The following C1orf50 variants were observed in gnomAD, a reference collection of about 807,000 sequenced individuals.
C1orf50 encodes the protein chromosome 1 open reading frame 50.
A neutral mutation model predicts 23.3 loss-of-function variants in C1orf50; 22 were observed. The observed-to-expected ratio is 0.94, with a 90% CI of 0.67 to 1.35. C1orf50 has a LOEUF of 1.35. C1orf50 is among the 40% of genes most tolerant of loss of function. The probability of loss-of-function intolerance (pLI) is 0.00; values close to 1 mark genes in which losing one functional copy is unlikely to be tolerated. For missense variants in C1orf50, 271 were observed against 249.4 expected (o/e 1.09, Z -0.58); for synonymous variants, 96 against 102.4 (o/e 0.94, Z 0.38).
In C1orf50 at chr1:42,774,884, G is replaced by A. The variant is rs777799461; in HGVS notation, c.414+16G>A. On this transcript the variant is annotated intron_variant, in intron 4 of 4. Coordinates refer to ENST00000372525, the MANE Select transcript of C1orf50 (RefSeq NM_024097.4). ...TTCTCCAAAGGTAAGAACATACATTGTTTGCCCAAAAATCTACTCCAGCCT... is the reference window on the plus strand; with the variant it reads ...TTCTCCAAAGGTAAGAACATACATTATTTGCCCAAAAATCTACTCCAGCCT... 2 of 1,596,456 alleles carry A rather than the reference G, an allele frequency of 1.3e-6. No individual in the cohort carries two copies. Among genetic ancestry groups the A allele is most frequent in the South Asian group, 1.1e-5 (1 of 90,612 alleles).
intron 2 of C1orf50, 76 bp downstream of exon 2, chr1:42,767,700 A>G (rs2124181170): frequency 7.6e-7 from 1 of 1,309,580 alleles, no homozygotes; most frequent in Admixed American, 2.1e-5. Context: ...CTCAGACCTC[A>G]CTACCACCTA....
In C1orf50 at chr1:42,778,800, A is replaced by G. The variant is rs1653387952; in HGVS notation, c.*3406A>G. ...TAAACAGGAGAATATGGACTGGGGA[A>G]TATGAGAGAAGAACTAATGGAAGGA... On this transcript the variant is annotated 3_prime_UTR_variant, in exon 5 of 5. Coordinates refer to ENST00000372525, the MANE Select transcript of C1orf50 (RefSeq NM_024097.4). 1 of 152,274 alleles carries G rather than the reference A, an allele frequency of 6.6e-6. No individual in the cohort carries two copies. Among genetic ancestry groups the G allele is most frequent in the South Asian group, 2.1e-4 (1 of 4,828 alleles). The allele number at this position is 152,274 out of a possible 1,614,324, so 9.4% of individuals were successfully genotyped here.
At chr1:42,774,042 T>C (rs1307920304) in intron 3 of C1orf50, among the ~76,000 whole-genome samples, 2 of 152,054 alleles carry the variant, frequency 1.3e-5, no homozygotes, top group African/African-American at 4.8e-5. Flanking sequence ...AGGCCTGTCT[T>C]GAACTCCTGA....
intron 3 of C1orf50, 46 bp from the exon 4 acceptor site, chr1:42,774,691 C>T (rs1325989648): frequency 6.4e-7 from 1 of 1,559,494 alleles, no homozygotes; most frequent in Non-Finnish European, 8.7e-7. Flanking sequence ...AATGTGGGTG[C>T]CTGTTATCTC....
At position 42,773,641 on chromosome 1, in the gene C1orf50, G is replaced by A; in HGVS notation, c.274G>A (p.Ala92Thr). Residue 92 changes from alanine (A) to threonine (T), a missense_variant, in exon 3 of 5, where the codon GCC becomes ACC. Ala to Thr is a moderately conservative substitution (Grantham distance 58). Coordinates refer to ENST00000372525, the MANE Select transcript of C1orf50 (RefSeq NM_024097.4). ...GCAAATCCAACATTTGCAAGAACAA[G>A]CCAGGAAGGTAAGGAATGACTGTTA... ...AEQIQHLQEQARKVLEDAHRD... is the reference protein window; with the variant it reads ...AEQIQHLQEQTRKVLEDAHRD... 6.2e-7 allele frequency: 1 copy of A among 1,609,356 alleles called. No individual in the cohort carries two copies. The highest frequency in any genetic ancestry group is 2.2e-5 in the East Asian group (1 of 44,830).
intron 2 of C1orf50, among the ~76,000 whole-genome samples, chr1:42,772,861 T>C (rs564071434): frequency 6.6e-6 from 1 of 152,354 alleles, no homozygotes; most frequent in South Asian, 2.1e-4. Flanking sequence ...ATAACTCTGT[T>C]TCAGGTCCAC....
Position 42,775,776 on chromosome 1 carries a change from A to ATATATATATG in C1orf50, c.*391_*392insGTATATATAT, listed in dbSNP as rs1653326786. 6.8e-6 allele frequency: 1 copy of ATATATATATG among 146,972 alleles called. No individual in the cohort carries two copies. The highest frequency in any genetic ancestry group is 2.5e-5 in the African/African-American group (1 of 40,050). The allele number at this position is 146,972 out of a possible 1,614,324, so 9.1% of individuals were successfully genotyped here. A position where few individuals can be genotyped will look rare whatever the true frequency, so the allele number is the denominator to read the frequency against. On this transcript the variant is annotated 3_prime_UTR_variant, in exon 5 of 5. Coordinates refer to ENST00000372525, the MANE Select transcript of C1orf50 (RefSeq NM_024097.4). ...TTTTCAGTCTTTTATATATATATAT[A>ATATATATATG]TATATATATAACTGGTAGTATTTAA...
In C1orf50 at chr1:42,776,022, A is replaced by G. The variant is rs1461696052; in HGVS notation, c.*628A>G. On this transcript the variant is annotated 3_prime_UTR_variant, in exon 5 of 5. Coordinates refer to ENST00000372525, the MANE Select transcript of C1orf50 (RefSeq NM_024097.4). ...GCTCTCTCTGCCTTGCTAGAGTGACAGAATCTGAGGCAGCAAAGGCCAGGT... is the reference window on the plus strand; with the variant it reads ...GCTCTCTCTGCCTTGCTAGAGTGACGGAATCTGAGGCAGCAAAGGCCAGGT... 6.6e-6 allele frequency: 1 copy of G among 152,066 alleles called. No individual in the cohort carries two copies. Among genetic ancestry groups the G allele is most frequent in the African/African-American group, 2.4e-5 (1 of 41,400 alleles). The allele number at this position is 152,066 out of a possible 1,614,324, so 9.4% of individuals were successfully genotyped here. A position where few individuals can be genotyped will look rare whatever the true frequency, so the allele number is the denominator to read the frequency against.
chr1:42,773,329 G>A, intron 2 of C1orf50: 3 of 355,766 alleles, frequency 8.4e-6, no homozygotes, highest in Non-Finnish European at 1.6e-5. Flanking sequence ...AAAGCTATGG[G>A]AAATAGAAGA....
Position 42,767,304 on chromosome 1 carries a change from G to C in C1orf50, c.-8G>C. ...CAGCCCAGGGAGTGGGGAGGATAAG[G>C]CGCTGTCATGGAGGACGCCGCCGCG... is the stretch of plus-strand genomic sequence containing the variant. On this transcript the variant is annotated 5_prime_UTR_variant, in exon 1 of 5. Coordinates refer to ENST00000372525, the MANE Select transcript of C1orf50 (RefSeq NM_024097.4). 1.3e-6 allele frequency: 2 copies of C among 1,501,040 alleles called. No homozygotes were observed. The highest frequency in any genetic ancestry group is 1.8e-6 in the Non-Finnish European group (2 of 1,130,774). 93.0% of individuals were successfully genotyped at this position (1,501,040 alleles called of 1,614,324 possible).
intron 2 of C1orf50, among the ~76,000 whole-genome samples, chr1:42,769,203 G>A (rs553515356): frequency 3.7e-4 from 56 of 150,942 alleles, no homozygotes; most frequent in Admixed American, 2.3e-3. Flanking sequence ...AGCCGAGATC[G>A]CACCACTGTA....
Position 42,774,861 on chromosome 1 carries a change from C to T in C1orf50, c.407C>T (p.Ser136Phe). The T allele has an allele frequency of 7.4e-6, 12 of 1,611,346 alleles. No homozygotes were observed. Among genetic ancestry groups the T allele is most frequent in the Non-Finnish European group, 1.0e-5 (12 of 1,179,330 alleles). Residue 136 changes from serine (S) to phenylalanine (F), a missense_variant, in exon 4 of 5, where the codon TCT (serine) becomes TTT (phenylalanine). Physicochemically the swap from Ser to Phe is radical, Grantham distance 155. Transcript: ENST00000372525. ...ESGQQYFSII[S>F]PKEWGTSCPH... The stretch of plus-strand genomic sequence containing the variant: ...GGTCAGCAGTATTTTTCCATCATTT[C>T]TCCAAAGGTAAGAACATACATTGTT...
rs932415956 is a variant in C1orf50 at position 42,774,779 on chromosome 1, G to A, written c.325G>A (p.Ala109Thr). ...AHRDANLHHV[A>T]CNIVKKPGNI... ...CAGAGATGCCAACCTGCACCATGTA[G>A]CTTGTAATATAGTGAAAAAACCTGG... is the stretch of plus-strand genomic sequence containing the variant. The change falls in exon 4 of 5, where the codon GCT becomes ACT. Residue 109 changes from alanine (A) to threonine (T), a missense_variant. Transcript: ENST00000372525. 6.2e-7 allele frequency: 1 copy of A among 1,613,760 alleles called. No individual in the cohort carries two copies. Among genetic ancestry groups the A allele is most frequent in the East Asian group, 2.2e-5 (1 of 44,870 alleles).
At chr1:42,772,351 T>G (rs1388291018) in intron 2 of C1orf50, among the ~76,000 whole-genome samples, 1 of 152,246 alleles carries the variant, frequency 6.6e-6, no homozygotes, top group African/African-American at 2.4e-5. Flanking sequence ...TTCTTTACCT[T>G]AATTGTGTAT....
Position 42,775,448 on chromosome 1 carries a change from GC to G in C1orf50, c.*59del, listed in dbSNP as rs1160280635. The G allele has an allele frequency of 2.0e-6, 3 of 1,479,104 alleles. No individual in the cohort carries two copies. The highest frequency in any genetic ancestry group is 2.8e-6 in the Non-Finnish European group (3 of 1,088,198). The allele number at this position is 1,479,104 out of a possible 1,614,324, so 91.6% of individuals were successfully genotyped here. A position where few individuals can be genotyped will look rare whatever the true frequency, so the allele number is the denominator to read the frequency against. On this transcript the variant is annotated 3_prime_UTR_variant, in exon 5 of 5. Transcript: ENST00000372525. The stretch of plus-strand genomic sequence containing the variant: ...GGACCTGGCTGTCAACCTCCTTGTT[GC>G]CCCCACTGTTGCCTTGAGAATTGAA...
At chr1:42,770,232 T>C (rs937764208) in intron 2 of C1orf50, among the ~76,000 whole-genome samples, 2 of 152,198 alleles carry the variant, frequency 1.3e-5, no homozygotes, top group African/African-American at 2.4e-5. Context: ...CTTTTTTCCT[T>C]TTTTTGGACC....
At position 42,775,336 on chromosome 1, in the gene C1orf50, G is replaced by A. The variant is rs1653313819; in HGVS notation, c.542G>A (p.Ser181Asn). The change falls in exon 5 of 5, where the codon AGC becomes AAC. Residue 181 changes from serine to asparagine, a missense_variant. Ser to Asn is a conservative substitution (Grantham distance 46). Transcript: ENST00000372525. ...ATCAGCATGATGGACACGTTGCTAA[G>A]CCAGTCAGTGGCCCTGCCTCCGTGC... ...AKISMMDTLL[S>N]QSVALPPCTE... 1.2e-6 allele frequency: 2 copies of A among 1,612,070 alleles called. No homozygotes were observed. The highest frequency in any genetic ancestry group is 1.7e-5 in the Admixed American group (1 of 59,970).
At position 42,775,920 on chromosome 1, in the gene C1orf50, CACTTG is replaced by C. The variant is rs1256360680; in HGVS notation, c.*527_*531del. ...ACAACAACAACAACAAAAAAAAAAA[CACTTG>C]GCTTGGCTGGACCAGAGAGTGTGTG... On this transcript the variant is annotated 3_prime_UTR_variant, in exon 5 of 5. Transcript: ENST00000372525. The C allele has an allele frequency of 6.7e-6, 1 of 148,312 alleles. No individual in the cohort carries two copies. The highest frequency in any genetic ancestry group is 1.5e-5 in the Non-Finnish European group (1 of 67,296). The allele number at this position is 148,312 out of a possible 1,614,324, so 9.2% of individuals were successfully genotyped here.
chr1:42,773,951 T>C (rs1653277971), intron 3 of C1orf50, among the ~76,000 whole-genome samples: 1 of 152,104 alleles, frequency 6.6e-6, no homozygotes, highest in East Asian at 1.9e-4. Flanking sequence ...GCCTCCCAAG[T>C]AGCTGGGATT....
Sources: allele counts gnomAD v4.1 joint callset (sites outside exome capture counted in the v4.1 genomes callset), GRCh38; gene constraint gnomAD v4.1.1; transcripts MANE v1.5; gene names NCBI Gene and HGNC (gene_info 2026-07-23, HGNC 2026-07-21).